CSMD1: variants seen among roughly 807,000 people sequenced by gnomAD.
CSMD1 encodes CUB and Sushi multiple domains 1, also known as CUB and sushi domain-containing protein 1.
A neutral mutation model predicts 417.5 loss-of-function variants in CSMD1; 213 were observed. That is an observed-to-expected ratio of 0.51 (90% CI 0.46 to 0.57). CSMD1 has a LOEUF of 0.57. Among genes scored for constraint, CSMD1 ranks in the 20% least tolerant of loss-of-function variants. The pLI, the probability that CSMD1 is intolerant of heterozygous loss-of-function variation, is 0.00. For synonymous variants in CSMD1, 2,862 were observed against 1,736.8 expected, an observed-to-expected ratio of 1.65 and a Z score of -16.11; for missense variants, 6,923 against 4,529.7, an observed-to-expected ratio of 1.53 and a Z score of -15.17.
intron 52 of CSMD1, among the ~76,000 whole-genome samples, chr8:3,016,373 C>T (rs1032006692): frequency 6.6e-6 from 1 of 152,150 alleles, no homozygotes; most frequent in African/African-American, 2.4e-5. Context: ...TCCCTATTTT[C>T]CTCTGAGTCT....
intron 3 of CSMD1, among the ~76,000 whole-genome samples, chr8:4,347,721 T>C (rs1004708237): frequency 2.0e-5 from 3 of 152,172 alleles, no homozygotes; most frequent in Admixed American, 6.5e-5. Flanking sequence ...CTGTAGCACG[T>C]AACTCAATTC....
intron 1 of CSMD1, among the ~76,000 whole-genome samples, chr8:4,914,350 G>A (rs1805910103): frequency 6.6e-6 from 1 of 152,082 alleles, no homozygotes. Flanking sequence ...ACTGAGGCAG[G>A]CAGATCACGA....
rs573260189 is a variant in CSMD1, at chr8:4,430,437, TGAGAG to T, written c.303-10377_303-10373del. ...CATAGTCTACCTTCTCCCGGGACCC[TGAGAG>T]GAATTTCATTTGGTTATGGTGATTT... On this transcript the variant is annotated intron_variant, in intron 2 of 69. Coordinates refer to ENST00000635120, the MANE Select transcript of CSMD1 (RefSeq NM_033225.6). Among the ~76,000 whole-genome samples the T allele has an allele frequency of 4.0e-3, 604 of 152,266 alleles. 1 individual carries two copies. The highest frequency in any genetic ancestry group is 0.014 in the Middle Eastern group (4 of 294).
intron 50 of CSMD1, among the ~76,000 whole-genome samples, chr8:3,038,404 T>G (rs1229697949): frequency 6.6e-6 from 1 of 152,228 alleles, no homozygotes; most frequent in African/African-American, 2.4e-5. Flanking sequence ...AGATTTAAAG[T>G]CAAAAATCTT....
rs182851456 is a variant in CSMD1 at position 3,660,018 on chromosome 8, G to T, written c.1010-43221C>A. ...CGTTCTGAACAATACGTATCTAATC[G>T]CCAAGCTTCATTCTGTACTGTCCCT... On this transcript the variant is annotated intron_variant, in intron 7 of 69. Coordinates refer to ENST00000635120, the MANE Select transcript of CSMD1 (RefSeq NM_033225.6). Among the ~76,000 whole-genome samples, 3 of 152,094 alleles carry T rather than the reference G, an allele frequency of 2.0e-5. No individual in the cohort carries two copies. The East Asian group carries it at 5.8e-4, about 29-fold the overall frequency.
chr8:3,304,030 C>CAATG (rs1804619471), intron 25 of CSMD1, among the ~76,000 whole-genome samples: 1 of 152,038 alleles, frequency 6.6e-6, no homozygotes, highest in Non-Finnish European at 1.5e-5. Context: ...CTCTGGGCCT[C>CAATG]AATGAAATCA....
At chr8:4,703,025 T>C (rs17346455) in intron 1 of CSMD1, among the ~76,000 whole-genome samples, 4,509 of 152,306 alleles carry the variant, frequency 0.03, 103 homozygotes, top group Non-Finnish European at 0.047. Flanking sequence ...AATCTGGCGA[T>C]ATTTTTATTT....
chr8:4,765,715 G>T (rs1363298774), intron 1 of CSMD1, among the ~76,000 whole-genome samples: 1 of 152,190 alleles, frequency 6.6e-6, no homozygotes, highest in Admixed American at 6.5e-5. Context: ...TGCCCAATTG[G>T]GCAGGCATCA....
chr8:4,754,461 T>A (rs998616988), intron 1 of CSMD1, among the ~76,000 whole-genome samples: 1 of 152,104 alleles, frequency 6.6e-6, no homozygotes, highest in Non-Finnish European at 1.5e-5. Context: ...CAAATTAGCA[T>A]CTGTGTCATG....
chr8:4,716,962 T>A (rs1050892867), intron 1 of CSMD1, among the ~76,000 whole-genome samples: 4 of 152,104 alleles, frequency 2.6e-5, no homozygotes, highest in Non-Finnish European at 5.9e-5. Context: ...CTTAGTATAA[T>A]TCCATTTCAA....
chr8:4,959,230 T>C (rs755733793), intron 1 of CSMD1, among the ~76,000 whole-genome samples: 7 of 152,192 alleles, frequency 4.6e-5, no homozygotes, highest in African/African-American at 7.2e-5. Flanking sequence ...GTGCTTGTTA[T>C]GTATTTTTAA....
chr8:4,217,039 C>T (rs569987863), intron 3 of CSMD1, among the ~76,000 whole-genome samples: 11 of 152,252 alleles, frequency 7.2e-5, no homozygotes, highest in African/African-American at 2.6e-4. Flanking sequence ...GTCTTTGATG[C>T]TAATGCATTA....
At chr8:4,244,048 T>G (rs1802552983) in intron 3 of CSMD1, among the ~76,000 whole-genome samples, 1 of 152,206 alleles carries the variant, frequency 6.6e-6, no homozygotes, top group African/African-American at 2.4e-5. Flanking sequence ...TCTTTGTTTT[T>G]ATGTTAAAGT....
chr8:4,528,115 C>T (rs571102091), intron 2 of CSMD1, among the ~76,000 whole-genome samples: 1 of 152,326 alleles, frequency 6.6e-6, no homozygotes, highest in African/African-American at 2.4e-5. Context: ...TGTTCTGGTT[C>T]TGACTTTCAT....
At chr8:4,111,002 G>C (rs1359754840) in intron 3 of CSMD1, among the ~76,000 whole-genome samples, 1 of 152,022 alleles carries the variant, frequency 6.6e-6, no homozygotes, top group Admixed American at 6.6e-5. Context: ...AGCTCACTAA[G>C]AGATGCCTGC....
chr8:3,868,301 G>C (rs150712860), intron 5 of CSMD1, among the ~76,000 whole-genome samples: 2 of 152,056 alleles, frequency 1.3e-5, no homozygotes, highest in African/African-American at 4.8e-5. Context: ...CTGCTTGCAG[G>C]AGAGATTTCA....
At chr8:4,426,261 A>G (rs1458844177) in intron 2 of CSMD1, among the ~76,000 whole-genome samples, 1 of 151,802 alleles carries the variant, frequency 6.6e-6, no homozygotes, top group Non-Finnish European at 1.5e-5. Flanking sequence ...ATTTTTTATA[A>G]GTTATTCCAA....
intron 5 of CSMD1, among the ~76,000 whole-genome samples, chr8:3,835,773 G>C (rs969155004): frequency 2.0e-5 from 3 of 151,360 alleles, no homozygotes; most frequent in Non-Finnish European, 2.9e-5. Context: ...CCACCATTTG[G>C]CTAACTCTGG....
chr8:3,862,387 T>G (rs1418953556), intron 5 of CSMD1, among the ~76,000 whole-genome samples: 1 of 131,148 alleles, frequency 7.6e-6, no homozygotes, highest in Non-Finnish European at 1.5e-5. Flanking sequence ...GCCCTTTCAT[T>G]TTCTCTTCCT....
Sources: gnomAD v4.1 joint callset for allele counts (sites outside exome capture counted in the v4.1 genomes callset) on GRCh38, gnomAD v4.1.1 for gene constraint, MANE v1.5 for transcripts, NCBI Gene and HGNC (gene_info 2026-07-23, HGNC 2026-07-21) for gene names.